The following PAX5 variants were observed in gnomAD, a reference collection of about 807,000 sequenced individuals.
The protein encoded by PAX5 is paired box protein Pax-5.
In PAX5, 9 loss-of-function variants were observed where a neutral mutation model predicts 43.7. The ratio of observed to expected loss-of-function variants is 0.21; its 90% CI spans 0.12 to 0.36. The LOEUF (loss-of-function observed/expected upper bound fraction) is 0.36. PAX5 is among the 10% of genes least tolerant of loss of function. The pLI is 1.00. For missense variants in PAX5, 383 were observed against 532.7 expected (o/e 0.72, Z 2.77); for synonymous variants, 228 against 214.3 (o/e 1.06, Z -0.56).
Position 36,837,324 on chromosome 9 carries a change from C to T in PAX5, c.*3236G>A. 1 of 233,272 alleles carries T rather than the reference C, an allele frequency of 4.3e-6. No individual in the cohort carries two copies. Among genetic ancestry groups the T allele is most frequent in the Non-Finnish European group, 8.5e-6 (1 of 118,044 alleles). The allele number at this position is 233,272 out of a possible 1,614,324, so 14.5% of individuals were successfully genotyped here. A position where few individuals can be genotyped will look rare whatever the true frequency, so the allele number is the denominator to read the frequency against. On this transcript the variant is annotated 3_prime_UTR_variant, in exon 10 of 10. Transcript: ENST00000358127. ...TCAGTTATGGAAGGGCTAGCCTTAA[C>T]TAAGGTGCCTTGGGAAAGGGATGTT... is the stretch of plus-strand genomic sequence containing the variant.
chr9:36,923,633 G>T, intron 6 of PAX5, 149 bp from the exon 7 acceptor site: 1 of 802,458 alleles, frequency 1.2e-6, no homozygotes, highest in East Asian at 2.6e-5. Flanking sequence ...TTCCAGTGTT[G>T]AAAGGGCAGA....
intron 8 of PAX5, among the ~76,000 whole-genome samples, chr9:36,876,988 C>T (rs1026066247): frequency 2.0e-5 from 3 of 152,210 alleles, no homozygotes; most frequent in Non-Finnish European, 2.9e-5. Flanking sequence ...CCAAGGCAAG[C>T]GTGCCTTCCT....
intron 7 of PAX5, among the ~76,000 whole-genome samples, chr9:36,918,736 T>C (rs904023215): frequency 6.6e-6 from 1 of 152,202 alleles, no homozygotes. Context: ...AGAAAGGCAC[T>C]AACTCTCTTT....
chr9:36,969,665 T>C (rs565038886), intron 5 of PAX5, among the ~76,000 whole-genome samples: 34 of 152,324 alleles, frequency 2.2e-4, no homozygotes, highest in African/African-American at 8.2e-4. Context: ...GAGTCAGCCA[T>C]AGCCTCTGCC....
At chr9:36,842,399 A>G (rs1587724177) in intron 9 of PAX5, among the ~76,000 whole-genome samples, 1 of 152,120 alleles carries the variant, frequency 6.6e-6, no homozygotes, top group Non-Finnish European at 1.5e-5. Flanking sequence ...AAACGGAAGT[A>G]GAGTCTTCTC....
At chr9:36,853,927 G>A (rs1380772884) in intron 8 of PAX5, among the ~76,000 whole-genome samples, 1 of 152,180 alleles carries the variant, frequency 6.6e-6, no homozygotes, top group Admixed American at 6.5e-5. Flanking sequence ...AACCCAAAAC[G>A]ACACCTGCCA....
In PAX5 at chr9:37,034,225, TG is replaced by T. The variant is rs2132596209; in HGVS notation, c.-195del. 1.7e-6 allele frequency: 1 copy of T among 572,296 alleles called. No individual in the cohort carries two copies. Among genetic ancestry groups the T allele is most frequent in the South Asian group, 2.3e-5 (1 of 44,228 alleles). The allele number at this position is 572,296 out of a possible 1,614,324, so 35.5% of individuals were successfully genotyped here. A position where few individuals can be genotyped will look rare whatever the true frequency, so the allele number is the denominator to read the frequency against. On this transcript the variant is annotated 5_prime_UTR_variant, in exon 1 of 10. Coordinates refer to ENST00000358127, the MANE Select transcript of PAX5 (RefSeq NM_016734.3). ...CTGAGCTGAAACTAAACGTTTTAGG[TG>T]GAAAAAAAGCGTCCGAAGGCACCGT...
intron 5 of PAX5, among the ~76,000 whole-genome samples, chr9:36,982,427 C>A (rs771896984): frequency 7.9e-5 from 12 of 152,182 alleles, no homozygotes; most frequent in Non-Finnish European, 1.8e-4. Flanking sequence ...CCAGTCTCAG[C>A]CCTCAGGGAG....
intron 7 of PAX5, among the ~76,000 whole-genome samples, chr9:36,913,666 G>C (rs113862855): frequency 6.6e-6 from 1 of 152,346 alleles, no homozygotes; most frequent in African/African-American, 2.4e-5. Flanking sequence ...TGGTAGAGCA[G>C]GTGTTTAACT....
At chr9:36,855,130 A>G (rs753115300) in intron 8 of PAX5, among the ~76,000 whole-genome samples, 4 of 152,272 alleles carry the variant, frequency 2.6e-5, no homozygotes, top group Non-Finnish European at 5.9e-5. Flanking sequence ...CCACTGCGGC[A>G]TCACGGTGCC....
intron 1 of PAX5, among the ~76,000 whole-genome samples, chr9:37,031,766 G>A (rs985300735): frequency 6.6e-6 from 1 of 152,138 alleles, no homozygotes; most frequent in South Asian, 2.1e-4. Flanking sequence ...GCTTAGTGTT[G>A]ACCTGACCTT....
chr9:36,881,626 G>A (rs12553613), intron 8 of PAX5, among the ~76,000 whole-genome samples: 9,799 of 151,512 alleles, frequency 0.065, 350 homozygotes, highest in Middle Eastern at 0.15. Context: ...CTGCTTGTTC[G>A]TGTCACACGA....
At chr9:36,885,915 C>T (rs991808710) in intron 7 of PAX5, among the ~76,000 whole-genome samples, 1 of 152,208 alleles carries the variant, frequency 6.6e-6, no homozygotes, top group Non-Finnish European at 1.5e-5. Context: ...CTTTGCAGCT[C>T]TTCCTGCTAG....
At chr9:36,873,965 C>A (rs955638676) in intron 8 of PAX5, among the ~76,000 whole-genome samples, 2 of 152,202 alleles carry the variant, frequency 1.3e-5, no homozygotes, top group African/African-American at 4.8e-5. Context: ...GCACAGAGGT[C>A]CTGGCTGAGC....
At chr9:36,863,946 TA>T (rs1475331470) in intron 8 of PAX5, among the ~76,000 whole-genome samples, 1 of 152,094 alleles carries the variant, frequency 6.6e-6, no homozygotes, top group Non-Finnish European at 1.5e-5. Flanking sequence ...CCGTCTCTAC[TA>T]AAAATACAAA....
chr9:36,931,091 C>G, intron 6 of PAX5: 1 of 406,334 alleles, frequency 2.5e-6, no homozygotes, highest in Non-Finnish European at 4.9e-6. Context: ...CTGCTGGGCT[C>G]CTGTAGGCTC....
At chr9:37,004,282 G>T (rs1838196967) in intron 4 of PAX5, among the ~76,000 whole-genome samples, 2 of 152,216 alleles carry the variant, frequency 1.3e-5, no homozygotes, top group Admixed American at 1.3e-4. Context: ...CCTAGGGAGA[G>T]ACCAGTCCAT....
At chr9:36,988,441 G>C (rs1836641388) in intron 5 of PAX5, among the ~76,000 whole-genome samples, 1 of 152,128 alleles carries the variant, frequency 6.6e-6, no homozygotes, top group Non-Finnish European at 1.5e-5. Context: ...CAGGAGGATT[G>C]CTTGAGCCCA....
intron 5 of PAX5, among the ~76,000 whole-genome samples, chr9:36,998,753 C>G (rs188475380): frequency 2.6e-5 from 4 of 152,176 alleles, no homozygotes; most frequent in Non-Finnish European, 5.9e-5. Context: ...AACTGTCAAA[C>G]GTTTCGCATC....
Sources: allele counts gnomAD v4.1 joint callset (sites outside exome capture counted in the v4.1 genomes callset), GRCh38; gene constraint gnomAD v4.1.1; transcripts MANE v1.5; gene names NCBI Gene and HGNC (gene_info 2026-07-23, HGNC 2026-07-21).